Variants in PCNX2 observed in about 807,000 individuals in gnomAD.
PCNX2 encodes pecanex 2.
Under a neutral mutation model 223.8 loss-of-function variants are expected in PCNX2, and 168 were observed. The ratio of observed to expected loss-of-function variants is 0.75; its 90% CI spans 0.66 to 0.85. The LOEUF is 0.85. Among genes scored for constraint, PCNX2 ranks in the 40% least tolerant of loss-of-function variants. PCNX2 has a pLI of 0.00. For synonymous variants in PCNX2, 1,006 were observed against 1,052.6 expected, an observed-to-expected ratio of 0.96 and a Z score of 0.86; for missense variants, 2,507 against 2,675.5, an observed-to-expected ratio of 0.94 and a Z score of 1.39.
At chr1:233,200,981 G>A (rs1461083027) in intron 13 of PCNX2, among the ~76,000 whole-genome samples, 1 of 136,958 alleles carries the variant, frequency 7.3e-6, no homozygotes, top group African/African-American at 2.8e-5. Flanking sequence ...AGCCGAGATT[G>A]CACCACTGCA....
intron 9 of PCNX2, among the ~76,000 whole-genome samples, chr1:233,228,271 T>A (rs561417826): frequency 5.9e-5 from 9 of 152,348 alleles, no homozygotes; most frequent in Admixed American, 2.6e-4. Flanking sequence ...TGCTTGTCAC[T>A]TCTTGCTACT....
chr1:233,130,449 T>C (rs1039384361), intron 21 of PCNX2, among the ~76,000 whole-genome samples: 11 of 146,948 alleles, frequency 7.5e-5, no homozygotes, highest in African/African-American at 2.8e-4. Flanking sequence ...AACTCAATAT[T>C]TCTGCCCCCC....
chr1:233,078,888 AT>A (rs1281390886), intron 23 of PCNX2, among the ~76,000 whole-genome samples: 1 of 152,226 alleles, frequency 6.6e-6, no homozygotes, highest in Non-Finnish European at 1.5e-5. Context: ...ATAATAGTTC[AT>A]TTCCATACCT....
chr1:233,119,477 C>T (rs528425390), intron 21 of PCNX2, among the ~76,000 whole-genome samples: 3 of 139,814 alleles, frequency 2.1e-5, no homozygotes, highest in African/African-American at 5.3e-5. Context: ...CCCAGCTACT[C>T]GGGAGGCTGA....
chr1:233,209,614 A>AT (rs1332361201), intron 12 of PCNX2, among the ~76,000 whole-genome samples: 1 of 152,216 alleles, frequency 6.6e-6, no homozygotes, highest in Non-Finnish European at 1.5e-5. Context: ...TAGAAATGCA[A>AT]TTTAAATTGC....
chr1:233,143,652 C>T (rs1677257205), intron 19 of PCNX2, among the ~76,000 whole-genome samples: 1 of 152,154 alleles, frequency 6.6e-6, no homozygotes, highest in East Asian at 1.9e-4. Flanking sequence ...GGATGATCTT[C>T]CTCTATACAT....
At chr1:233,124,275 C>A (rs1675976004) in intron 21 of PCNX2, among the ~76,000 whole-genome samples, 1 of 152,044 alleles carries the variant, frequency 6.6e-6, no homozygotes, top group African/African-American at 2.4e-5. Context: ...GAACACTAGG[C>A]CTTATGAATT....
Position 233,270,771 on chromosome 1 carries a change from G to A in PCNX2, c.154-7608C>T, listed in dbSNP as rs79785220. ...CTCTTTCTTAGTGTGCAGTTTTGATGAGAGAAATTGATGATAGAGAGGTGA... is the reference window on the plus strand; with the variant it reads ...CTCTTTCTTAGTGTGCAGTTTTGATAAGAGAAATTGATGATAGAGAGGTGA... On this transcript the variant is annotated intron_variant, in intron 1 of 33. Coordinates refer to ENST00000258229, the MANE Select transcript of PCNX2 (RefSeq NM_014801.4). 9.3e-3 allele frequency among the ~76,000 whole-genome samples: 1,422 copies of A among 152,174 alleles called. 29 individuals carry two copies. Among genetic ancestry groups the A allele is most frequent in the African/African-American group, 0.032 (1,331 of 41,504 alleles).
intron 25 of PCNX2, among the ~76,000 whole-genome samples, chr1:233,053,197 C>A (rs970194883): frequency 2.0e-5 from 3 of 151,956 alleles, no homozygotes; most frequent in Non-Finnish European, 2.9e-5. Context: ...CATTACTGGG[C>A]TTCCAGCTGC....
intron 17 of PCNX2, chr1:233,167,555 G>C: frequency 1.8e-5 from 4 of 218,522 alleles, no homozygotes; most frequent in Non-Finnish European, 3.1e-5. Context: ...GTAGATTTTA[G>C]CTGCTTTTGC....
At position 233,126,517 on chromosome 1, in the gene PCNX2, TTGTGTG is replaced by T. The variant is rs3033291; in HGVS notation, c.3837+8490_3837+8495del. 1.4e-5 allele frequency among the ~76,000 whole-genome samples: 2 copies of T among 147,948 alleles called. No homozygotes were observed. Among genetic ancestry groups the T allele is most frequent in the Non-Finnish European group, 3.0e-5 (2 of 66,972 alleles). ...AAATTTGTGTGGTGTGTGTGTGTGTTTGTGTGTGTGTGTGTGTGTGTAAATATACCA... is the reference window on the plus strand; with the variant it reads ...AAATTTGTGTGGTGTGTGTGTGTGTTTGTGTGTGTGTGTGTAAATATACCA... On this transcript the variant is annotated intron_variant, in intron 21 of 33. Coordinates refer to ENST00000258229, the MANE Select transcript of PCNX2 (RefSeq NM_014801.4). The surrounding 1 kb of genome is among the most constrained non-coding windows in gnomAD (Gnocchi z 4.8).
intron 17 of PCNX2, among the ~76,000 whole-genome samples, chr1:233,165,500 G>A (rs1242933127): frequency 6.6e-6 from 1 of 152,174 alleles, no homozygotes; most frequent in Non-Finnish European, 1.5e-5. Flanking sequence ...AATGTCAACA[G>A]TGCTGAGGTT....
intron 26 of PCNX2, among the ~76,000 whole-genome samples, chr1:233,022,236 A>G (rs1300262884): frequency 6.6e-6 from 1 of 152,216 alleles, no homozygotes; most frequent in Non-Finnish European, 1.5e-5. Flanking sequence ...TGTATGGCCC[A>G]GACTCCAAAT....
intron 9 of PCNX2, among the ~76,000 whole-genome samples, chr1:233,235,958 A>T (rs1658369185): frequency 5.2e-5 from 1 of 19,362 alleles, no homozygotes; most frequent in African/African-American, 1.0e-4. Context: ...ATAAAAAAAA[A>T]TATATATATA....
intron 23 of PCNX2, chr1:233,057,937 T>C: frequency 1.0e-6 from 1 of 985,444 alleles, no homozygotes; most frequent in Non-Finnish European, 1.2e-6. Flanking sequence ...AAAGGTATCT[T>C]TCTCTTCAAA....
chr1:233,021,026 C>T (rs549504797), intron 26 of PCNX2, among the ~76,000 whole-genome samples: 2 of 151,558 alleles, frequency 1.3e-5, no homozygotes, highest in Admixed American at 1.3e-4. Context: ...GCAACCATGC[C>T]AAAGAAGAAA....
chr1:233,175,775 C>G (rs1332807334), intron 17 of PCNX2, among the ~76,000 whole-genome samples: 1 of 152,114 alleles, frequency 6.6e-6, no homozygotes, highest in Non-Finnish European at 1.5e-5. Flanking sequence ...TATCTCTGCT[C>G]CTAAAATTCA....
the PCNX2 span, among the ~76,000 whole-genome samples, chr1:233,312,601 C>G: frequency 6.6e-6 from 1 of 152,036 alleles, no homozygotes; most frequent in Non-Finnish European, 1.5e-5. Flanking sequence ...GACGAAAAAC[C>G]CTTCCAAATT....
At chr1:233,174,594 C>A (rs1679360693) in intron 17 of PCNX2, among the ~76,000 whole-genome samples, 1 of 151,800 alleles carries the variant, frequency 6.6e-6, no homozygotes. Flanking sequence ...GATATTATAA[C>A]CAATGATTTA....
Sources: allele counts gnomAD v4.1 joint callset (sites outside exome capture counted in the v4.1 genomes callset), GRCh38; gene constraint gnomAD v4.1.1; non-coding constraint Gnocchi (gnomAD v3.1); transcripts MANE v1.5; gene names NCBI Gene and HGNC (gene_info 2026-07-23, HGNC 2026-07-21).